The following GRIK4 variants were observed in gnomAD, a reference collection of about 807,000 sequenced individuals.
GRIK4 encodes the protein glutamate receptor ionotropic, kainate 4.
Under a neutral mutation model 104.9 loss-of-function variants are expected in GRIK4, and 40 were observed. The ratio of observed to expected loss-of-function variants is 0.38; its 90% CI spans 0.30 to 0.50. The LOEUF is 0.50. Among genes scored for constraint, GRIK4 ranks in the 20% least tolerant of loss-of-function variants. The pLI is 0.93. For missense variants in GRIK4, 1,047 were observed against 1,308.1 expected (o/e 0.80, Z 3.08); for synonymous variants, 485 against 524.9 (o/e 0.92, Z 1.04).
intron 19 of GRIK4, among the ~76,000 whole-genome samples, chr11:120,972,005 C>T (rs758198043): frequency 6.6e-6 from 1 of 152,078 alleles, no homozygotes; most frequent in African/African-American, 2.4e-5. Flanking sequence ...TGTAGAGCAG[C>T]CTACTTGTTC....
intron 3 of GRIK4, among the ~76,000 whole-genome samples, chr11:120,752,654 C>A (rs939730870): frequency 9.8e-5 from 15 of 152,362 alleles, no homozygotes; most frequent in African/African-American, 3.6e-4. Flanking sequence ...TTACTTTCCA[C>A]CCTCCCTGCA....
intron 6 of GRIK4, among the ~76,000 whole-genome samples, chr11:120,824,553 C>CTCTT (rs1953207751): frequency 4.7e-5 from 6 of 128,890 alleles, no homozygotes; most frequent in African/African-American, 8.7e-5. Flanking sequence ...TTTTTCTTTT[C>CTCTT]TTTTTTTTTT....
intron 1 of GRIK4, among the ~76,000 whole-genome samples, chr11:120,594,698 A>G (rs1030691701): frequency 2.0e-5 from 3 of 152,138 alleles, no homozygotes; most frequent in Non-Finnish European, 2.9e-5. Context: ...CTTCCATGAA[A>G]GAGGTGGTGG....
At chr11:120,529,439 C>T (rs903510801) in intron 1 of GRIK4, among the ~76,000 whole-genome samples, 3 of 152,202 alleles carry the variant, frequency 2.0e-5, no homozygotes, top group Non-Finnish European at 4.4e-5. Flanking sequence ...GAGCCCCTAG[C>T]AGTTACTACA....
intron 3 of GRIK4, among the ~76,000 whole-genome samples, chr11:120,728,988 T>A (rs544452841): frequency 6.6e-6 from 1 of 152,328 alleles, no homozygotes; most frequent in African/African-American, 2.4e-5. Context: ...GATTTTTAGA[T>A]CCCACAAACA....
intron 1 of GRIK4, among the ~76,000 whole-genome samples, chr11:120,611,600 T>G (rs1214192041): frequency 6.6e-6 from 1 of 152,226 alleles, no homozygotes; most frequent in East Asian, 1.9e-4. Flanking sequence ...TCTTCAAGAT[T>G]CATTTTAGTC....
chr11:120,564,964 C>T (rs1371467661), intron 1 of GRIK4, among the ~76,000 whole-genome samples: 3 of 138,406 alleles, frequency 2.2e-5, no homozygotes, highest in Non-Finnish European at 4.7e-5. Flanking sequence ...CGGCGATCGG[C>T]TCCGCCGGCT....
intron 3 of GRIK4, among the ~76,000 whole-genome samples, chr11:120,763,538 G>A (rs1478709299): frequency 1.3e-5 from 2 of 152,042 alleles, no homozygotes; most frequent in Admixed American, 6.6e-5. Context: ...TGATGTTAGG[G>A]TGTCAATTTT....
intron 3 of GRIK4, among the ~76,000 whole-genome samples, chr11:120,738,261 G>C (rs945561357): frequency 1.3e-5 from 2 of 152,222 alleles, no homozygotes; most frequent in Non-Finnish European, 2.9e-5. Flanking sequence ...ATGGACTTTG[G>C]TGCAAGGGAA....
chr11:120,607,901 C>T (rs1474685581), intron 1 of GRIK4, among the ~76,000 whole-genome samples: 2 of 152,082 alleles, frequency 1.3e-5, no homozygotes, highest in African/African-American at 4.8e-5. Context: ...AAAACGAGGG[C>T]AGGTGAGACC....
chr11:120,694,720 GCTCC>G lies in GRIK4; in HGVS notation c.82+34321_82+34324del, dbSNP rs1393914749. Among the ~76,000 whole-genome samples, 8 of 152,314 alleles carry G rather than the reference GCTCC, an allele frequency of 5.3e-5. No individual in the cohort carries two copies. The East Asian group carries it at 1.5e-3, about 29-fold the overall frequency. ...CTTAGGTCTCCTGGGATGCAGCAGA[GCTCC>G]AGGGGGCCTGGGAGAAGAGGCTGTC... On this transcript the variant is annotated intron_variant, in intron 3 of 20. Coordinates refer to ENST00000527524, the MANE Select transcript of GRIK4 (RefSeq NM_014619.5).
intron 3 of GRIK4, among the ~76,000 whole-genome samples, chr11:120,717,744 G>T (rs943524152): frequency 1.3e-5 from 2 of 152,146 alleles, no homozygotes; most frequent in Non-Finnish European, 2.9e-5. Context: ...AAGCCTGCTG[G>T]GGGTGTGTGG....
intron 1 of GRIK4, among the ~76,000 whole-genome samples, chr11:120,580,196 GTTCTTTC>G (rs1235081528): frequency 2.2e-4 from 29 of 133,212 alleles, no homozygotes; most frequent in African/African-American, 7.0e-4. Flanking sequence ...GAGTACAAGG[GTTCTTTC>G]TTTCTTTCTT....
intron 13 of GRIK4, among the ~76,000 whole-genome samples, chr11:120,923,140 T>A (rs1021436317): frequency 1.3e-5 from 2 of 152,070 alleles, no homozygotes; most frequent in Non-Finnish European, 2.9e-5. Context: ...ATGCTAGGTG[T>A]GGCCGGTAAG....
At chr11:120,791,044 T>C (rs1952384221) in intron 3 of GRIK4, among the ~76,000 whole-genome samples, 1 of 149,180 alleles carries the variant, frequency 6.7e-6, no homozygotes, top group South Asian at 2.2e-4. Context: ...AAATTGGGGG[T>C]GGAGATAGGG....
At chr11:120,766,571 G>A (rs1380517645) in intron 3 of GRIK4, among the ~76,000 whole-genome samples, 1 of 152,170 alleles carries the variant, frequency 6.6e-6, no homozygotes, top group Admixed American at 6.5e-5. Flanking sequence ...GAAACCCAGG[G>A]GCCTTGTGGT....
Position 120,605,643 on chromosome 11 carries a change from G to A in GRIK4, c.-158-48042G>A, listed in dbSNP as rs1192399203. 2.6e-5 allele frequency among the ~76,000 whole-genome samples: 4 copies of A among 152,300 alleles called. No homozygotes were observed. In the East Asian group the frequency reaches 7.7e-4, roughly 29 times the overall value. The stretch of plus-strand genomic sequence containing the variant: ...TGTCAGGGACATTCCAGGCCCTGGA[G>A]GATATTGAAGTGAGGGAGGCCTTGT... On this transcript the variant is annotated intron_variant, in intron 1 of 20. Coordinates refer to ENST00000527524, the MANE Select transcript of GRIK4 (RefSeq NM_014619.5).
chr11:120,962,589 C>A lies in GRIK4; in HGVS notation c.2174C>A (p.Thr725Asn). The change falls in exon 18 of 21, where the codon ACC becomes AAC. Residue 725 changes from threonine to asparagine, a missense_variant. Coordinates refer to ENST00000527524, the MANE Select transcript of GRIK4 (RefSeq NM_014619.5). ...AACTACGCCTTCCTCCTGGAATCCA[C>A]CATGAACGAGTACTATCGGCAGCGA... ...NSNYAFLLES[T>N]MNEYYRQRNC... 1 of 1,614,080 alleles carries A rather than the reference C, an allele frequency of 6.2e-7. No individual in the cohort carries two copies. The highest frequency in any genetic ancestry group is 8.5e-7 in the Non-Finnish European group (1 of 1,179,936).
intron 1 of GRIK4, among the ~76,000 whole-genome samples, chr11:120,644,259 A>G (rs1949513040): frequency 6.6e-6 from 1 of 152,166 alleles, no homozygotes; most frequent in South Asian, 2.1e-4. Context: ...CAGTGAGGAA[A>G]ATGCTCTTTG....
Sources: allele counts gnomAD v4.1 joint callset (sites outside exome capture counted in the v4.1 genomes callset), GRCh38; gene constraint gnomAD v4.1.1; transcripts MANE v1.5; gene names NCBI Gene and HGNC (gene_info 2026-07-23, HGNC 2026-07-21).